The following PIAS1 variants were observed in gnomAD, a reference collection of about 807,000 sequenced individuals.
PIAS1 encodes the protein protein inhibitor of activated STAT 1.
PIAS1 carries 6 observed loss-of-function variants against 71.3 expected under a neutral mutation model. The ratio of observed to expected loss-of-function variants is 0.08; its 90% CI spans 0.05 to 0.17. The LOEUF (loss-of-function observed/expected upper bound fraction) is 0.17, where lower values mean the gene tolerates loss of function less well. Ranked by LOEUF, PIAS1 falls within the 10% of genes least tolerant of loss-of-function variation. The probability of loss-of-function intolerance (pLI) is 1.00; values close to 1 mark genes in which losing one functional copy is unlikely to be tolerated. For synonymous variants in PIAS1, 303 were observed against 292.9 expected, an observed-to-expected ratio of 1.03 and a Z score of -0.35; for missense variants, 555 against 793.6, an observed-to-expected ratio of 0.70 and a Z score of 3.61.
intron 1 of PIAS1, among the ~76,000 whole-genome samples, chr15:68,056,527 T>C (rs1012531588): frequency 6.6e-5 from 10 of 152,200 alleles, no homozygotes; most frequent in East Asian, 1.9e-4. Flanking sequence ...GTTTTTTTTT[T>C]CTACTCTTAT....
At chr15:68,124,945 C>T (rs1052797066) in intron 2 of PIAS1, among the ~76,000 whole-genome samples, 2 of 152,074 alleles carry the variant, frequency 1.3e-5, no homozygotes, top group Non-Finnish European at 2.9e-5. Flanking sequence ...TATTGATTTC[C>T]CACCATGGGA....
Position 68,185,638 on chromosome 15 carries a change from C to T in PIAS1, c.1663-1904C>T, listed in dbSNP as rs1480086508. 2.0e-5 allele frequency among the ~76,000 whole-genome samples: 3 copies of T among 152,162 alleles called. No homozygotes were observed. The highest frequency in any genetic ancestry group is 4.8e-5 in the African/African-American group (2 of 41,442). The stretch of plus-strand genomic sequence containing the variant: ...GTGAAAGGTTTAGCAGAAGCTTTTG[C>T]AGACCTCAACAAGCTCCTTAAAAAA... On this transcript the variant is annotated intron_variant, in intron 13 of 13. Transcript: ENST00000249636. The surrounding 1 kb of genome is among the most constrained non-coding windows in gnomAD (Gnocchi z 4.4).
At chr15:68,120,381 G>A (rs971424156) in intron 2 of PIAS1, among the ~76,000 whole-genome samples, 4 of 151,268 alleles carry the variant, frequency 2.6e-5, no homozygotes, top group Admixed American at 1.3e-4. Flanking sequence ...TTTTCTTTTT[G>A]TCTTATCTGT....
chr15:68,095,387 G>A (rs1182628398), intron 2 of PIAS1, among the ~76,000 whole-genome samples: 1 of 152,046 alleles, frequency 6.6e-6, no homozygotes, highest in East Asian at 1.9e-4. Context: ...TAATCATGGG[G>A]CATGTGGTCA....
intron 2 of PIAS1, among the ~76,000 whole-genome samples, chr15:68,117,720 A>T (rs191398864): frequency 8.0e-4 from 121 of 152,184 alleles, no homozygotes; most frequent in African/African-American, 2.8e-3. Context: ...GTATTCTATC[A>T]TGTCTCCATA....
rs2093079683 is a variant in PIAS1 at position 68,185,141 on chromosome 15, A to T, written c.1662+1474A>T. ...TCTCCTTCCATATACCACCTCTTTG[A>T]TCCAACCAATGAATCAAGGAGTTGT... On this transcript the variant is annotated intron_variant, in intron 13 of 13. Transcript: ENST00000249636. This position sits in a 1 kb window ranked among gnomAD's most constrained non-coding sequence, Gnocchi z 4.4. 6.6e-6 allele frequency: 1 copy of T among 152,156 alleles called. No individual in the cohort carries two copies. Among genetic ancestry groups the T allele is most frequent in the African/African-American group, 2.4e-5 (1 of 41,426 alleles). The allele number at this position is 152,156 out of a possible 1,614,324, so 9.4% of individuals were successfully genotyped here. A position where few individuals can be genotyped will look rare whatever the true frequency, so the allele number is the denominator to read the frequency against.
At chr15:68,075,179 A>ATG (rs2092147991) in intron 1 of PIAS1, among the ~76,000 whole-genome samples, 1 of 134,900 alleles carries the variant, frequency 7.4e-6, no homozygotes, top group African/African-American at 2.8e-5. Flanking sequence ...CCGCCCCCCC[A>ATG]GGTTCAAGCA....
intron 2 of PIAS1, among the ~76,000 whole-genome samples, chr15:68,094,859 A>C (rs758565554): frequency 3.3e-5 from 5 of 152,224 alleles, no homozygotes; most frequent in African/African-American, 1.2e-4. Flanking sequence ...CTTCAAAATG[A>C]AGTCTAACAC....
In PIAS1 at chr15:68,132,310, C is replaced by G. The variant is rs148028520; in HGVS notation, c.470-9636C>G. Among the ~76,000 whole-genome samples the G allele has an allele frequency of 1.5e-3, 229 of 151,734 alleles. 4 individuals are homozygous for G. Among genetic ancestry groups the G allele is most frequent in the African/African-American group, 5.2e-3 (215 of 41,386 alleles). ...TTGCTAACACGGTGATACTCCGTCT[C>G]TACTAAAAATACAAAAAATCAGGGC... On this transcript the variant is annotated intron_variant, in intron 2 of 13. Coordinates refer to ENST00000249636, the MANE Select transcript of PIAS1 (RefSeq NM_016166.3).
intron 6 of PIAS1, among the ~76,000 whole-genome samples, chr15:68,151,962 G>GTTTTT (rs1272581079): frequency 5.9e-5 from 5 of 85,066 alleles, no homozygotes; most frequent in African/African-American, 1.3e-4. Flanking sequence ...TTTTTTTTTG[G>GTTTTT]GGGGGGAGAC....
intron 2 of PIAS1, among the ~76,000 whole-genome samples, chr15:68,108,114 A>G (rs893282137): frequency 1.3e-5 from 2 of 152,034 alleles, no homozygotes; most frequent in African/African-American, 2.4e-5. Context: ...TTGACTCTCC[A>G]TTTCTCTTGC....
At chr15:68,057,190 T>TA (rs2091905392) in intron 1 of PIAS1, among the ~76,000 whole-genome samples, 1 of 152,234 alleles carries the variant, frequency 6.6e-6, no homozygotes, top group South Asian at 2.1e-4. Flanking sequence ...ATATTGCCAA[T>TA]AAAAATTAGA....
chr15:68,116,859 C>T (rs34004168), intron 2 of PIAS1, among the ~76,000 whole-genome samples: 5,192 of 152,036 alleles, frequency 0.034, 206 homozygotes, highest in African/African-American at 0.098. Flanking sequence ...TGTAATAGTT[C>T]CCAAATATTT....
chr15:68,062,699 ATAT>A (rs1262839653), intron 1 of PIAS1, among the ~76,000 whole-genome samples: 2 of 152,210 alleles, frequency 1.3e-5, no homozygotes, highest in Admixed American at 1.3e-4. Context: ...TGTCTGTATA[ATAT>A]TTTTAATTTA....
chr15:68,102,530 A>G (rs1405087111), intron 2 of PIAS1, among the ~76,000 whole-genome samples: 8 of 152,240 alleles, frequency 5.3e-5, no homozygotes, highest in Admixed American at 5.2e-4. Flanking sequence ...ATATCAATTT[A>G]GGGATGATTA....
intron 8 of PIAS1, among the ~76,000 whole-genome samples, chr15:68,170,301 T>A (rs2092983650): frequency 6.6e-6 from 1 of 152,232 alleles, no homozygotes; most frequent in Non-Finnish European, 1.5e-5. Flanking sequence ...TATAGCTTAC[T>A]ATGTACCTTG....
At chr15:68,114,803 T>G (rs1331511367) in intron 2 of PIAS1, among the ~76,000 whole-genome samples, 1 of 152,070 alleles carries the variant, frequency 6.6e-6, no homozygotes, top group Non-Finnish European at 1.5e-5. Flanking sequence ...TTTGATCTAG[T>G]TCGTTTCTCT....
At chr15:68,091,928 T>TA (rs1250895196) in intron 2 of PIAS1, among the ~76,000 whole-genome samples, 1 of 152,236 alleles carries the variant, frequency 6.6e-6, no homozygotes, top group Non-Finnish European at 1.5e-5. Flanking sequence ...ATTGTTTTCT[T>TA]ACCACCATGA....
At chr15:68,120,636 A>G (rs1248740601) in intron 2 of PIAS1, among the ~76,000 whole-genome samples, 2 of 151,960 alleles carry the variant, frequency 1.3e-5, no homozygotes, top group Non-Finnish European at 2.9e-5. Context: ...CTTGTCATAC[A>G]TTTTACGTCC....
Sources: allele counts gnomAD v4.1 joint callset (sites outside exome capture counted in the v4.1 genomes callset), GRCh38; gene constraint gnomAD v4.1.1; non-coding constraint Gnocchi (gnomAD v3.1); transcripts MANE v1.5; gene names NCBI Gene and HGNC (gene_info 2026-07-23, HGNC 2026-07-21).